Variants in CISH observed in about 807,000 individuals in gnomAD.
CISH encodes the protein cytokine-inducible SH2-containing protein.
CISH carries 11 observed loss-of-function variants against 21.3 expected under a neutral mutation model. That is an observed-to-expected ratio of 0.52 (90% CI 0.32 to 0.85). The LOEUF (loss-of-function observed/expected upper bound fraction) is 0.85. CISH is among the 40% of genes least tolerant of loss of function. The pLI, the probability that CISH is intolerant of heterozygous loss-of-function variation, is 0.03. For missense variants in CISH, 280 were observed against 351.7 expected (o/e 0.80, Z 1.63); for synonymous variants, 118 against 142.3 (o/e 0.83, Z 1.22).
At position 50,607,358 on chromosome 3, in the gene CISH, G is replaced by A. The variant is rs745342129; in HGVS notation, c.*249C>T. On this transcript the variant is annotated 3_prime_UTR_variant, in exon 3 of 3. Transcript: ENST00000348721. ...CCACAGGTGAGACAAGGTCCTGCCT[G>A]TCTCCCCATCCTCTGACACATGGCT... 9.3e-5 allele frequency: 50 copies of A among 536,220 alleles called. No homozygotes were observed. The highest frequency in any genetic ancestry group is 1.5e-4 in the Non-Finnish European group (45 of 298,120). 33.2% of individuals were successfully genotyped at this position (536,220 alleles called of 1,614,324 possible).
chr3:50,610,639 A>G, intron 1 of CISH: 1 of 1,433,072 alleles, frequency 7.0e-7, no homozygotes, highest in East Asian at 2.6e-5. Flanking sequence ...TGCAGACAGG[A>G]GGAAGGAACT....
At chr3:50,610,492 AC>A in intron 1 of CISH, 1 of 1,551,110 alleles carries the variant, frequency 6.4e-7, no homozygotes, top group Non-Finnish European at 8.7e-7. Flanking sequence ...GTTCCCTGAC[AC>A]CCAACAGTAG....
chr3:50,610,669 G>A, intron 1 of CISH: 1 of 1,404,428 alleles, frequency 7.1e-7, no homozygotes, highest in Non-Finnish European at 9.3e-7. Flanking sequence ...CAGCAAGGGA[G>A]AAGTAGTCTT....
Position 50,611,734 on chromosome 3 carries a change from C to A in CISH, c.-84G>T. 7.1e-7 allele frequency: 1 copy of A among 1,405,084 alleles called. No homozygotes were observed. The allele number at this position is 1,405,084 out of a possible 1,614,324, so 87.0% of individuals were successfully genotyped here. On this transcript the variant is annotated 5_prime_UTR_variant, in exon 1 of 3. Coordinates refer to ENST00000348721, the MANE Select transcript of CISH (RefSeq NM_145071.4). ...GGAACCAGTGGGCGCGGAGCGCGTG[C>A]TGGGTAGGCTCCCGGGGCGCGCGGG...
chr3:50,610,355 C>G, intron 1 of CISH: 9 of 1,551,300 alleles, frequency 5.8e-6, no homozygotes, highest in Non-Finnish European at 7.8e-6. Context: ...TCACCACAAG[C>G]TCCTGGTGAG....
chr3:50,611,435 G>A, intron 1 of CISH, 196 bp downstream of exon 1: 1 of 1,372,442 alleles, frequency 7.3e-7, no homozygotes, highest in Non-Finnish European at 9.4e-7. Flanking sequence ...AATCCACAGT[G>A]GGAATTGAGG....
In CISH at chr3:50,611,674, G is replaced by A; in HGVS notation, c.-24C>T. 1 of 1,482,246 alleles carries A rather than the reference G, an allele frequency of 6.7e-7. No homozygotes were observed. Among genetic ancestry groups the A allele is most frequent in the Admixed American group, 2.6e-5 (1 of 39,078 alleles). 91.8% of individuals were successfully genotyped at this position (1,482,246 alleles called of 1,614,324 possible). A position where few individuals can be genotyped will look rare whatever the true frequency, so the allele number is the denominator to read the frequency against. Reference sequence around the variant, plus strand: ...ATGTCCCCGCGGCAGCGGCGACTCCGGAGTGGGGACTCGGCTGGACGGCGG... The same window carrying A: ...ATGTCCCCGCGGCAGCGGCGACTCCAGAGTGGGGACTCGGCTGGACGGCGG... On this transcript the variant is annotated 5_prime_UTR_variant, in exon 1 of 3. Transcript: ENST00000348721.
In CISH at chr3:50,608,009, G is replaced by T; in HGVS notation, c.375C>A (p.Gly125=). Residue 125 remains glycine, a synonymous_variant, in exon 3 of 3, where the codon GGC becomes GGA. Transcript: ENST00000348721. The part of the protein sequence containing the change: ...LFTLSVKTTR[G]PTNVRIEYAD... ...CATACTCAATGCGTACATTGGTGGG[G>T]CCACGAGTGGTTTTCACTGACAGCG... The T allele has an allele frequency of 6.2e-7, 1 of 1,614,048 alleles. No individual in the cohort carries two copies. The highest frequency in any genetic ancestry group is 8.5e-7 in the Non-Finnish European group (1 of 1,180,026).
chr3:50,607,031 G>A lies in CISH; in HGVS notation c.*576C>T, dbSNP rs1378068441. On this transcript the variant is annotated 3_prime_UTR_variant, in exon 3 of 3. Coordinates refer to ENST00000348721, the MANE Select transcript of CISH (RefSeq NM_145071.4). ...CCAGAGAAGCCAGGGCAGAGTTGGGGTCTCTGGACTACCAGGGCTCAGGGC... is the reference window on the plus strand; with the variant it reads ...CCAGAGAAGCCAGGGCAGAGTTGGGATCTCTGGACTACCAGGGCTCAGGGC... 6.5e-6 allele frequency: 1 copy of A among 153,428 alleles called. No homozygotes were observed. Among genetic ancestry groups the A allele is most frequent in the East Asian group, 1.9e-4 (1 of 5,194 alleles). 9.5% of individuals were successfully genotyped at this position (153,428 alleles called of 1,614,324 possible).
Position 50,608,295 on chromosome 3 carries a change from A to C in CISH, c.241+78T>G. ...TCTCCTGGGCCGGGCTATGCCTCCC[A>C]AATCAGACTCAAAGGCAGAACTAAG... On this transcript the variant is annotated intron_variant, in intron 2 of 2. Transcript: ENST00000348721. 2.7e-6 allele frequency: 4 copies of C among 1,484,260 alleles called. No individual in the cohort carries two copies. The South Asian group carries it at 5.2e-5, about 19-fold the overall frequency. The allele number at this position is 1,484,260 out of a possible 1,614,324, so 91.9% of individuals were successfully genotyped here. A position where few individuals can be genotyped will look rare whatever the true frequency, so the allele number is the denominator to read the frequency against.
In CISH at chr3:50,608,012, A is replaced by G. The variant is rs776935240; in HGVS notation, c.372T>C (p.Arg124=). Residue 124 remains arginine (R), a synonymous_variant, in exon 3 of 3, where the codon CGT becomes CGC. Coordinates refer to ENST00000348721, the MANE Select transcript of CISH (RefSeq NM_145071.4). ...ACTCAATGCGTACATTGGTGGGGCC[A>G]CGAGTGGTTTTCACTGACAGCGTGA... is the stretch of plus-strand genomic sequence containing the variant. The part of the protein sequence containing the change: ...YLFTLSVKTT[R]GPTNVRIEYA... The G allele has an allele frequency of 1.9e-6, 3 of 1,614,048 alleles. No homozygotes were observed. The highest frequency in any genetic ancestry group is 2.5e-6 in the Non-Finnish European group (3 of 1,180,022).
chr3:50,610,286 G>A (rs1478371493), intron 1 of CISH: 1 of 1,412,740 alleles, frequency 7.1e-7, no homozygotes, highest in Non-Finnish European at 9.8e-7. Context: ...GATCCCACAT[G>A]TAGGTGTGGG....
chr3:50,611,333 G>A (rs1241564210), intron 1 of CISH: 12 of 1,323,774 alleles, frequency 9.1e-6, no homozygotes, highest in Non-Finnish European at 1.2e-5. Context: ...CTTGGGGGAC[G>A]CCGTGCCGTT....
Position 50,611,594 on chromosome 3 carries a change from C to A in CISH, c.20+37G>T, listed in dbSNP as rs200789819. 3.7e-3 allele frequency: 5,576 copies of A among 1,522,538 alleles called. 12 individuals are homozygous for A. The highest frequency in any genetic ancestry group is 4.5e-3 in the Non-Finnish European group (5,068 of 1,134,522). The allele number at this position is 1,522,538 out of a possible 1,614,324, so 94.3% of individuals were successfully genotyped here. A position where few individuals can be genotyped will look rare whatever the true frequency, so the allele number is the denominator to read the frequency against. On this transcript the variant is annotated intron_variant, in intron 1 of 2. Transcript: ENST00000348721. ...AGCCCCTGTTCTCCCGTGCGCCCCT[C>A]GTGGTGGCCGGGAAGGGGGCAGAGA...
At position 50,608,449 on chromosome 3, in the gene CISH, CTCTG is replaced by C; in HGVS notation, c.161_164del (p.Thr54ArgfsTer16). ...CTGGGTCCAGCACCTTTGGCTCACT[CTCTG>C]TCTGGGCTGGGGTACCCTCTGCCAC... On this transcript the variant is annotated frameshift_variant, in exon 2 of 3. Transcript: ENST00000348721. LOFTEE classifies it high-confidence loss of function. 1 of 1,613,826 alleles carries C rather than the reference CTCTG, an allele frequency of 6.2e-7. No homozygotes were observed. The highest frequency in any genetic ancestry group is 8.5e-7 in the Non-Finnish European group (1 of 1,179,864).
At chr3:50,611,010 G>A in intron 1 of CISH, 2 of 991,678 alleles carry the variant, frequency 2.0e-6, no homozygotes, top group East Asian at 1.1e-4. Context: ...CAGGAGCCAA[G>A]GTCCTTCTCA....
intron 1 of CISH, 82 bp downstream of exon 1, chr3:50,611,549 A>G: frequency 6.6e-7 from 1 of 1,521,156 alleles, no homozygotes; most frequent in East Asian, 2.7e-5. Context: ...AGCCCTCCCA[A>G]TGCCCGGCAG....
Position 50,608,055 on chromosome 3 carries a change from G to A in CISH, c.329C>T (p.Thr110Met), listed in dbSNP as rs748893210. Reference sequence around the variant, plus strand: ...CAGCGTGAACAGGTAGCTGGGGTGCGTGCTGTCACGTACTAAGAACGTGCC... The same window carrying A: ...CAGCGTGAACAGGTAGCTGGGGTGCATGCTGTCACGTACTAAGAACGTGCC... Reference protein sequence around the residue: ...PEGTFLVRDSTHPSYLFTLSV... With the variant: ...PEGTFLVRDSMHPSYLFTLSV... The change falls in exon 3 of 3, where the codon ACG (threonine) becomes ATG (methionine). Residue 110 changes from threonine (T) to methionine (M), a missense_variant. Transcript: ENST00000348721. 20 of 1,613,676 alleles carry A rather than the reference G, an allele frequency of 1.2e-5. No individual in the cohort carries two copies. The East Asian group carries it at 2.0e-4, about 16-fold the overall frequency.
chr3:50,608,438 T>A lies in CISH; in HGVS notation c.176A>T (p.Lys59Met). 6.2e-7 allele frequency: 1 copy of A among 1,613,706 alleles called. No individual in the cohort carries two copies. The highest frequency in any genetic ancestry group is 8.5e-7 in the Non-Finnish European group (1 of 1,179,812). The change falls in exon 2 of 3, where the codon AAG becomes ATG. Residue 59 changes from lysine (K) to methionine (M), a missense_variant. Transcript: ENST00000348721. ...CAGATCCTCCTCTGGGTCCAGCACCTTTGGCTCACTCTCTGTCTGGGCTGG... is the reference window on the plus strand; with the variant it reads ...CAGATCCTCCTCTGGGTCCAGCACCATTGGCTCACTCTCTGTCTGGGCTGG... ...GTPAQTESEP[K>M]VLDPEEDLLC... is the part of the protein sequence containing the mutation.
Sources: gnomAD v4.1 joint callset for allele counts on GRCh38, gnomAD v4.1.1 for gene constraint, MANE v1.5 for transcripts, NCBI Gene and HGNC (gene_info 2026-07-23, HGNC 2026-07-21) for gene names.